INPP4B: variants seen among roughly 807,000 people sequenced by gnomAD.
INPP4B encodes the protein inositol polyphosphate 4-phosphatase type II.
Under a neutral mutation model 122.5 loss-of-function variants are expected in INPP4B, and 55 were observed. That is an observed-to-expected ratio of 0.45 (90% CI 0.36 to 0.56). The LOEUF (loss-of-function observed/expected upper bound fraction) is 0.56, where lower values mean the gene tolerates loss of function less well. Ranked by LOEUF, INPP4B falls within the 20% of genes least tolerant of loss-of-function variation. INPP4B has a pLI of 0.00. For synonymous variants in INPP4B, 403 were observed against 388.7 expected (o/e 1.04, Z -0.43); for missense variants, 1,000 against 1,097.7 (o/e 0.91, Z 1.26).
At chr4:142,726,554 T>C (rs1304589647) in intron 1 of INPP4B, among the ~76,000 whole-genome samples, 1 of 152,222 alleles carries the variant, frequency 6.6e-6, no homozygotes, top group African/African-American at 2.4e-5. Context: ...GAGTATCCCA[T>C]AATAGATTTT....
intron 25 of INPP4B, among the ~76,000 whole-genome samples, chr4:142,044,447 A>G (rs190417698): frequency 3.7e-4 from 56 of 152,106 alleles, no homozygotes; most frequent in Non-Finnish European, 6.9e-4. Flanking sequence ...AGGAGGCTAC[A>G]AAGGAAACGA....
chr4:142,698,708 C>G (rs1449337596), intron 2 of INPP4B, among the ~76,000 whole-genome samples: 1 of 152,192 alleles, frequency 6.6e-6, no homozygotes, highest in South Asian at 2.1e-4. Context: ...TCATACCAGA[C>G]TTGGTGTGCA....
At position 142,216,236 on chromosome 4, in the gene INPP4B, T is replaced by C. The variant is rs115227923; in HGVS notation, c.837-7210A>G. ...TTGCTTTACTCTCACTAGAGTTCTA[T>C]CTCCAAAACAAATCTTCTAACCTGT... On this transcript the variant is annotated intron_variant, in intron 12 of 25. Coordinates refer to ENST00000262992, the MANE Select transcript of INPP4B (RefSeq NM_001101669.3). Among the ~76,000 whole-genome samples, 744 of 152,304 alleles carry C rather than the reference T, an allele frequency of 4.9e-3. 10 individuals carry two copies. The highest frequency in any genetic ancestry group is 0.017 in the African/African-American group (709 of 41,560).
chr4:142,451,342 C>A (rs1306133428), intron 3 of INPP4B, among the ~76,000 whole-genome samples: 3 of 150,218 alleles, frequency 2.0e-5, no homozygotes, highest in African/African-American at 7.4e-5. Flanking sequence ...TCTCTGCCTC[C>A]TGGATTCAAG....
intron 25 of INPP4B, among the ~76,000 whole-genome samples, chr4:142,065,425 T>A (rs1763021283): frequency 6.6e-6 from 1 of 152,056 alleles, no homozygotes; most frequent in South Asian, 2.1e-4. Flanking sequence ...GACAAACACA[T>A]ATGCACATAT....
At chr4:142,643,329 G>A (rs1026834783) in intron 2 of INPP4B, among the ~76,000 whole-genome samples, 2 of 152,060 alleles carry the variant, frequency 1.3e-5, no homozygotes, top group African/African-American at 4.8e-5. Flanking sequence ...TTTATATACA[G>A]GGAAGATAAA....
At chr4:142,751,935 C>T (rs1769790799) in intron 1 of INPP4B, among the ~76,000 whole-genome samples, 1 of 152,040 alleles carries the variant, frequency 6.6e-6, no homozygotes, top group South Asian at 2.1e-4. Context: ...TTATTTCACC[C>T]TCCCCAAAGC....
intron 2 of INPP4B, among the ~76,000 whole-genome samples, chr4:142,675,077 T>C (rs956803100): frequency 6.6e-6 from 1 of 152,150 alleles, no homozygotes; most frequent in African/African-American, 2.4e-5. Context: ...AGGTGGTTTT[T>C]TGAAAAGATC....
chr4:142,179,752 C>T (rs546957891), intron 15 of INPP4B, among the ~76,000 whole-genome samples: 7 of 152,128 alleles, frequency 4.6e-5, no homozygotes, highest in African/African-American at 1.7e-4. Context: ...TTCAAATTTT[C>T]CAGGTACTAT....
chr4:142,637,067 C>CA (rs1260549341), intron 2 of INPP4B, among the ~76,000 whole-genome samples: 1 of 151,954 alleles, frequency 6.6e-6, no homozygotes, highest in Non-Finnish European at 1.5e-5. Flanking sequence ...TAGGTTTTAG[C>CA]AAAAAATGAG....
At chr4:142,604,261 T>C (rs1740718263) in intron 2 of INPP4B, among the ~76,000 whole-genome samples, 2 of 152,044 alleles carry the variant, frequency 1.3e-5, no homozygotes, top group Admixed American at 6.6e-5. Flanking sequence ...TACAAACCCA[T>C]AGCTAACATC....
At chr4:142,055,419 A>ATT (rs1305955410) in intron 25 of INPP4B, among the ~76,000 whole-genome samples, 1 of 152,050 alleles carries the variant, frequency 6.6e-6, no homozygotes, top group African/African-American at 2.4e-5. Context: ...TCTATCCCCA[A>ATT]TTCATAAAGT....
chr4:142,361,774 G>A (rs1364709075), intron 7 of INPP4B, among the ~76,000 whole-genome samples: 2 of 151,794 alleles, frequency 1.3e-5, no homozygotes, highest in Non-Finnish European at 1.5e-5. Context: ...GGTGGATATT[G>A]TCACCTTTTA....
intron 2 of INPP4B, among the ~76,000 whole-genome samples, chr4:142,598,527 G>T (rs1327880943): frequency 6.6e-6 from 1 of 152,072 alleles, no homozygotes; most frequent in African/African-American, 2.4e-5. Context: ...GACTACAGTG[G>T]CACAGCACTG....
At chr4:142,720,060 AC>A (rs1298749745) in intron 2 of INPP4B, among the ~76,000 whole-genome samples, 1 of 152,232 alleles carries the variant, frequency 6.6e-6, no homozygotes, top group East Asian at 1.9e-4. Flanking sequence ...GGCATCAGGT[AC>A]AATTCCTGAC....
intron 2 of INPP4B, among the ~76,000 whole-genome samples, chr4:142,578,852 A>G (rs781003197): frequency 6.6e-6 from 1 of 152,134 alleles, no homozygotes; most frequent in South Asian, 2.1e-4. Flanking sequence ...TGATTTAACC[A>G]TCTTGACTGT....
chr4:142,270,570 T>C (rs1238172631), intron 10 of INPP4B, 93 bp downstream of exon 10: 7 of 862,728 alleles, frequency 8.1e-6, no homozygotes, highest in African/African-American at 1.7e-5. Flanking sequence ...GATAATGAGA[T>C]TTCAAACCCC....
intron 1 of INPP4B, among the ~76,000 whole-genome samples, chr4:142,807,393 G>A (rs1778994700): frequency 6.6e-6 from 1 of 152,166 alleles, no homozygotes; most frequent in African/African-American, 2.4e-5. Context: ...GATGAGTTTG[G>A]AGAACAATGT....
chr4:142,473,378 C>T (rs1028353233), intron 2 of INPP4B: 2 of 152,438 alleles, frequency 1.3e-5, no homozygotes, highest in Non-Finnish European at 1.5e-5. Flanking sequence ...AGCAGAACCT[C>T]TCCAAAATGG....
Sources: allele counts gnomAD v4.1 joint callset (sites outside exome capture counted in the v4.1 genomes callset), GRCh38; gene constraint gnomAD v4.1.1; transcripts MANE v1.5; gene names NCBI Gene and HGNC (gene_info 2026-07-23, HGNC 2026-07-21).